The following GRID2 variants were observed in gnomAD, a reference collection of about 807,000 sequenced individuals.
GRID2 encodes the protein glutamate ionotropic receptor delta type subunit 2, also known as glutamate receptor ionotropic, delta-2.
GRID2 carries 33 observed loss-of-function variants against 114.8 expected under a neutral mutation model. The observed-to-expected ratio is 0.29, with a 90% CI of 0.22 to 0.38. The LOEUF is 0.38. Ranked by LOEUF, GRID2 falls within the 10% of genes least tolerant of loss-of-function variation. The pLI, the probability that GRID2 is intolerant of heterozygous loss-of-function variation, is 1.00. For synonymous variants in GRID2, 505 were observed against 449.9 expected (o/e 1.12, Z -1.55); for missense variants, 1,184 against 1,257.7 (o/e 0.94, Z 0.89).
In GRID2 at chr4:93,774,070, C is replaced by T. The variant is rs775627554; in HGVS notation, c.*1572C>T. The stretch of plus-strand genomic sequence containing the variant: ...CTGTGGCTAGGATTGATATAGGAAT[C>T]AACCTATGTGATTTGCTTTAGGAGA... On this transcript the variant is annotated 3_prime_UTR_variant, in exon 16 of 16. Coordinates refer to ENST00000282020, the MANE Select transcript of GRID2 (RefSeq NM_001510.4). 9.9e-5 allele frequency: 15 copies of T among 152,082 alleles called. No homozygotes were observed. Among genetic ancestry groups the T allele is most frequent in the Non-Finnish European group, 5.9e-5 (4 of 67,946 alleles). The allele number at this position is 152,082 out of a possible 1,614,324, so 9.4% of individuals were successfully genotyped here.
At chr4:93,007,756 A>T (rs1721702478) in intron 2 of GRID2, among the ~76,000 whole-genome samples, 2 of 152,048 alleles carry the variant, frequency 1.3e-5, no homozygotes, top group South Asian at 4.1e-4. Context: ...AAGAAAATAA[A>T]ATGACCAGGC....
intron 8 of GRID2, among the ~76,000 whole-genome samples, chr4:93,363,775 C>T (rs10008521): frequency 0.2 from 29,675 of 151,660 alleles, 4,361 homozygotes; most frequent in African/African-American, 0.41. Flanking sequence ...TTAAGGCACC[C>T]CTTTACTTCC....
At chr4:93,692,113 C>T (rs1201373166) in intron 14 of GRID2, among the ~76,000 whole-genome samples, 1 of 151,780 alleles carries the variant, frequency 6.6e-6, no homozygotes, top group Non-Finnish European at 1.5e-5. Flanking sequence ...GGCGGGGAAG[C>T]AGTGAAAAGG....
chr4:93,224,882 A>G, intron 7 of GRID2, 107 bp downstream of exon 7: 1 of 752,270 alleles, frequency 1.3e-6, no homozygotes, highest in Non-Finnish European at 2.1e-6. Context: ...AGCACAAAAC[A>G]GTGTAATGGG....
At chr4:92,725,045 A>T (rs1736002978) in intron 2 of GRID2, among the ~76,000 whole-genome samples, 1 of 152,076 alleles carries the variant, frequency 6.6e-6, no homozygotes, top group Admixed American at 6.6e-5. Context: ...TCATGTCTGT[A>T]ATCCCAGCAT....
chr4:93,415,684 C>T (rs149737512), intron 9 of GRID2, among the ~76,000 whole-genome samples: 17 of 152,134 alleles, frequency 1.1e-4, no homozygotes, highest in African/African-American at 4.1e-4. Flanking sequence ...CCACTCTCCA[C>T]TTAGCCTTTA....
At chr4:92,968,431 C>G (rs1753292649) in intron 2 of GRID2, among the ~76,000 whole-genome samples, 1 of 151,836 alleles carries the variant, frequency 6.6e-6, no homozygotes, top group Non-Finnish European at 1.5e-5. Flanking sequence ...TGTTGAACCT[C>G]AAAGCCAAGC....
intron 13 of GRID2, among the ~76,000 whole-genome samples, chr4:93,595,800 A>G (rs754807575): frequency 2.6e-5 from 4 of 152,232 alleles, no homozygotes; most frequent in Non-Finnish European, 5.9e-5. Context: ...CTGTGTAAAG[A>G]TCATATAGAA....
At chr4:92,808,596 T>C (rs1363949531) in intron 2 of GRID2, among the ~76,000 whole-genome samples, 3 of 152,034 alleles carry the variant, frequency 2.0e-5, no homozygotes, top group South Asian at 2.1e-4. Context: ...TTCTGCTTTA[T>C]TTTTGTAGAG....
chr4:92,894,317 CTGAATA>C (rs1462773976), intron 2 of GRID2, among the ~76,000 whole-genome samples: 2 of 151,910 alleles, frequency 1.3e-5, no homozygotes, highest in Non-Finnish European at 2.9e-5. Context: ...TTTTCAGTGA[CTGAATA>C]TGATATTTTT....
At chr4:93,574,222 T>C (rs1262529099) in intron 13 of GRID2, among the ~76,000 whole-genome samples, 1 of 152,150 alleles carries the variant, frequency 6.6e-6, no homozygotes, top group Non-Finnish European at 1.5e-5. Context: ...TCTCTTCCAG[T>C]ATCATTTATC....
chr4:93,309,201 A>C (rs1755748272), intron 8 of GRID2, among the ~76,000 whole-genome samples: 1 of 152,164 alleles, frequency 6.6e-6, no homozygotes. Context: ...CTCCTAAAAT[A>C]GGACCTGGCA....
At chr4:92,594,359 G>A (rs1728849864) in intron 2 of GRID2, among the ~76,000 whole-genome samples, 1 of 151,780 alleles carries the variant, frequency 6.6e-6, no homozygotes, top group African/African-American at 2.4e-5. Context: ...AATCAATCTT[G>A]TTCTTTTGGC....
intron 8 of GRID2, among the ~76,000 whole-genome samples, chr4:93,276,068 G>T (rs1387663436): frequency 3.3e-5 from 5 of 151,694 alleles, no homozygotes; most frequent in Admixed American, 2.6e-4. Context: ...TTTCATCTAA[G>T]ATTTTTAGAG....
chr4:92,479,853 TAGAG>T (rs781249608), intron 1 of GRID2, among the ~76,000 whole-genome samples: 7 of 152,046 alleles, frequency 4.6e-5, no homozygotes, highest in Non-Finnish European at 8.8e-5. Flanking sequence ...TTGGAGAAAA[TAGAG>T]AGGCAATTAG....
In GRID2 at chr4:92,691,156, G is replaced by T. The variant is rs957365967; in HGVS notation, c.244+100870G>T. On this transcript the variant is annotated intron_variant, in intron 2 of 15. Coordinates refer to ENST00000282020, the MANE Select transcript of GRID2 (RefSeq NM_001510.4). The stretch of plus-strand genomic sequence containing the variant: ...CATATCCCCTCCTTATTCTTCTAAG[G>T]TCTGATTAATTGGTACTGAGAAGAA... 5.3e-5 allele frequency among the ~76,000 whole-genome samples: 8 copies of T among 152,034 alleles called. 1 individual carries two copies. The East Asian group carries it at 1.2e-3, about 22-fold the overall frequency.
At chr4:92,992,065 C>G (rs1239316859) in intron 2 of GRID2, among the ~76,000 whole-genome samples, 2 of 152,148 alleles carry the variant, frequency 1.3e-5, no homozygotes, top group African/African-American at 4.8e-5. Flanking sequence ...TACCCAGTAA[C>G]GATGACTCCT....
In GRID2 at chr4:93,592,958, C is replaced by T. The variant is rs559959634; in HGVS notation, c.2194-33311C>T. Among the ~76,000 whole-genome samples the T allele has an allele frequency of 6.0e-3, 904 of 150,866 alleles. 12 individuals are homozygous for T. Among genetic ancestry groups the T allele is most frequent in the African/African-American group, 0.019 (789 of 41,228 alleles). ...TTTTGAGCCTATGTGTGTCTCTGCA[C>T]GTGAGATGGGTTTCCTGAATACAGC... On this transcript the variant is annotated intron_variant, in intron 13 of 15. Transcript: ENST00000282020.
chr4:92,442,551 T>A (rs1472463688), intron 1 of GRID2, among the ~76,000 whole-genome samples: 2 of 151,848 alleles, frequency 1.3e-5, no homozygotes, highest in African/African-American at 2.4e-5. Context: ...ATTGCAACTT[T>A]TTTCTATTAT....
Sources: gnomAD v4.1 joint callset for allele counts (sites outside exome capture counted in the v4.1 genomes callset) on GRCh38, gnomAD v4.1.1 for gene constraint, MANE v1.5 for transcripts, NCBI Gene and HGNC (gene_info 2026-07-23, HGNC 2026-07-21) for gene names.